MS4A4E: variants seen among roughly 807,000 people sequenced by gnomAD.
MS4A4E encodes the protein membrane spanning 4-domains A4E.
A neutral mutation model predicts 13.3 loss-of-function variants in MS4A4E; 23 were observed. The ratio of observed to expected loss-of-function variants is 1.73; its 90% CI spans 1.25 to 2.45. The LOEUF is 2.45. Among genes scored for constraint, MS4A4E ranks in the 30% most tolerant of loss-of-function variants. The probability of loss-of-function intolerance (pLI) is 0.00; values close to 1 mark genes in which losing one functional copy is unlikely to be tolerated. For missense variants in MS4A4E, 144 were observed against 131.2 expected (o/e 1.10, Z -0.48); for synonymous variants, 36 against 45.6 (o/e 0.79, Z 0.85).
At chr11:60,206,476 T>C (rs200077412) in intron 6 of MS4A4E, among the ~76,000 whole-genome samples, 320 of 5,290 alleles carry the variant, frequency 0.06, 8 homozygotes, top group African/African-American at 0.076. Context: ...CACACACACA[T>C]ATATATATAT....
intron 1 of MS4A4E, among the ~76,000 whole-genome samples, chr11:60,230,777 C>A (rs751535918): frequency 6.6e-6 from 1 of 152,122 alleles, no homozygotes; most frequent in Non-Finnish European, 1.5e-5. Flanking sequence ...TGATTCCAAC[C>A]AAGTAATGTG....
intron 3 of MS4A4E, among the ~76,000 whole-genome samples, chr11:60,215,842 C>T (rs2084185150): frequency 6.6e-6 from 1 of 151,978 alleles, no homozygotes; most frequent in South Asian, 2.1e-4. Flanking sequence ...TTCAGTAAAG[C>T]ACCTTGGAAA....
At chr11:60,225,927 G>A (rs992188423) in intron 3 of MS4A4E, among the ~76,000 whole-genome samples, 1 of 151,606 alleles carries the variant, frequency 6.6e-6, no homozygotes, top group Non-Finnish European at 1.5e-5. Context: ...CAGTCTAAGA[G>A]AAAGAGAGAG....
intron 3 of MS4A4E, among the ~76,000 whole-genome samples, chr11:60,220,189 T>C (rs959959757): frequency 6.6e-6 from 1 of 152,116 alleles, no homozygotes; most frequent in Non-Finnish European, 1.5e-5. Flanking sequence ...TCCCACCACA[T>C]CCCCATTCAA....
In MS4A4E at chr11:60,201,557, G is replaced by T. The variant is rs1422320971; in HGVS notation, c.982C>A (p.Pro328Thr). ...IWEVRSVSAR[P>T]PIF ...CTCCCCACATCTCAGAAGATGGGCG[G>T]CCGGGCGGAGACACTCCTCACCTCC... Residue 328 changes from proline (P) to threonine (T), a missense_variant, in exon 9 of 9, where the codon CCG becomes ACG. Pro to Thr is a conservative substitution (Grantham distance 38). Around this residue, in one of 3 missense-constraint regions of MS4A4E, gnomAD observed 21 missense variants for 25.1 expected, o/e 0.84. Coordinates refer to ENST00000651255, the MANE Select transcript of MS4A4E (RefSeq NM_001393391.1). The T allele has an allele frequency of 1.3e-5, 4 of 313,272 alleles. No individual in the cohort carries two copies. Among genetic ancestry groups the T allele is most frequent in the Admixed American group, 4.0e-5 (1 of 24,852 alleles). 19.4% of individuals were successfully genotyped at this position (313,272 alleles called of 1,614,324 possible).
At chr11:60,216,107 G>T (rs2084188465) in intron 3 of MS4A4E, among the ~76,000 whole-genome samples, 1 of 152,146 alleles carries the variant, frequency 6.6e-6, no homozygotes, top group East Asian at 1.9e-4. Flanking sequence ...GAGGCACTTT[G>T]CAGGTGATGT....
intron 4 of MS4A4E, chr11:60,213,431 T>A (rs1449367682): frequency 5.0e-6 from 4 of 801,162 alleles, no homozygotes; most frequent in Admixed American, 2.6e-5. Flanking sequence ...TCCCTGCCAT[T>A]CCTTGCTTCT....
chr11:60,230,038 T>C lies in MS4A4E; in HGVS notation c.18A>G (p.Gly6=), dbSNP rs1347996038. The C allele has an allele frequency of 6.3e-7, 1 of 1,599,298 alleles. No homozygotes were observed. Among genetic ancestry groups the C allele is most frequent in the African/African-American group, 1.4e-5 (1 of 73,842 alleles). The part of the protein sequence containing the change: MTTMQ[G]MEQTTPGAGP... ...CAGCCCCTGGAGTGGTCTGTTCCAT[T>C]CCTTGCATGGTTGTCATGGCAGCAG... Residue 6 remains glycine (G), a synonymous_variant, in exon 2 of 9, where the codon GGA becomes GGG. Transcript: ENST00000651255.
chr11:60,229,878 T>C, intron 2 of MS4A4E, 34 bp downstream of exon 2: 1 of 1,564,804 alleles, frequency 6.4e-7, no homozygotes. Context: ...TTTACAACAC[T>C]ATTGGTCTTC....
intron 3 of MS4A4E, among the ~76,000 whole-genome samples, chr11:60,222,057 G>T (rs1185956178): frequency 6.6e-6 from 1 of 152,128 alleles, no homozygotes; most frequent in Non-Finnish European, 1.5e-5. Flanking sequence ...CACCTAATTT[G>T]CCAGCAGCAA....
intron 3 of MS4A4E, among the ~76,000 whole-genome samples, chr11:60,222,096 C>A (rs2084276845): frequency 6.6e-6 from 1 of 152,184 alleles, no homozygotes; most frequent in Non-Finnish European, 1.5e-5. Flanking sequence ...CAATATAGCA[C>A]CATTCCTCGG....
Position 60,200,497 on chromosome 11 carries a change from C to T in MS4A4E, c.*1046G>A, listed in dbSNP as rs1023672608. ...ATTAGGGAGTGGTGATGACTCTTAACGAGCATGCTGCCTTCAAGCATCTGT... is the reference window on the plus strand; with the variant it reads ...ATTAGGGAGTGGTGATGACTCTTAATGAGCATGCTGCCTTCAAGCATCTGT... On this transcript the variant is annotated 3_prime_UTR_variant, in exon 9 of 9. Transcript: ENST00000651255. Among the ~76,000 whole-genome samples, 30 of 152,206 alleles carry T rather than the reference C, an allele frequency of 2.0e-4. No homozygotes were observed. Among genetic ancestry groups the T allele is most frequent in the African/African-American group, 6.0e-4 (25 of 41,526 alleles).
At chr11:60,224,965 C>T in intron 3 of MS4A4E, 5 of 1,511,240 alleles carry the variant, frequency 3.3e-6, no homozygotes, top group Middle Eastern at 3.4e-4. Context: ...CCCTGCTTAC[C>T]ATCACTGACC....
chr11:60,225,121 T>C, intron 3 of MS4A4E: 2 of 1,486,302 alleles, frequency 1.3e-6, no homozygotes, highest in South Asian at 2.7e-5. Flanking sequence ...AAAAACTGAT[T>C]ATCCACCACA....
chr11:60,214,429 T>C (rs2084163969), intron 4 of MS4A4E, 142 bp downstream of exon 4: 1 of 466,998 alleles, frequency 2.1e-6, no homozygotes. Context: ...ATCGTAATTT[T>C]TGAGACAGAT....
intron 1 of MS4A4E, among the ~76,000 whole-genome samples, chr11:60,236,071 G>A (rs2084478694): frequency 6.6e-6 from 1 of 152,148 alleles, no homozygotes; most frequent in Non-Finnish European, 1.5e-5. Flanking sequence ...AAATCAACTA[G>A]TCATAAATAT....
At chr11:60,226,138 T>A (rs1033918794) in intron 3 of MS4A4E, among the ~76,000 whole-genome samples, 4 of 151,412 alleles carry the variant, frequency 2.6e-5, no homozygotes, top group African/African-American at 9.7e-5. Context: ...AATTATTAAA[T>A]AAATAAAATA....
At chr11:60,228,334 TATAAAA>T (rs2084368344) in intron 3 of MS4A4E, among the ~76,000 whole-genome samples, 1 of 151,990 alleles carries the variant, frequency 6.6e-6, no homozygotes, top group Non-Finnish European at 1.5e-5. Context: ...TAAATAAACA[TATAAAA>T]AGATGCCCCA....
intron 3 of MS4A4E, among the ~76,000 whole-genome samples, chr11:60,218,105 G>A (rs2084219843): frequency 6.6e-6 from 1 of 152,176 alleles, no homozygotes; most frequent in Admixed American, 6.5e-5. Context: ...CCCCCCAGAT[G>A]TGCCGGTCTC....
Sources: gnomAD v4.1 joint callset for allele counts (sites outside exome capture counted in the v4.1 genomes callset) on GRCh38, gnomAD v4.1.1 for gene constraint, gnomAD v4.1.1 regional missense constraint, MANE v1.5 for transcripts, NCBI Gene and HGNC (gene_info 2026-07-23, HGNC 2026-07-21) for gene names.